Variants in SHISA6 observed in about 807,000 individuals in gnomAD.
The protein encoded by SHISA6 is shisa family member 6.
In SHISA6, 22 loss-of-function variants were observed where a neutral mutation model predicts 47.9. That is an observed-to-expected ratio of 0.46 (90% confidence interval 0.33 to 0.66). The LOEUF (loss-of-function observed/expected upper bound fraction) is 0.66. Among genes scored for constraint, SHISA6 ranks in the 30% least tolerant of loss-of-function variants. The pLI is 0.02. For missense variants in SHISA6, 680 were observed against 764.6 expected (o/e 0.89, Z 1.30); for synonymous variants, 388 against 337.8 (o/e 1.15, Z -1.63).
At chr17:11,362,220 G>C (rs1313374551) in intron 2 of SHISA6, among the ~76,000 whole-genome samples, 2 of 152,084 alleles carry the variant, frequency 1.3e-5, no homozygotes, top group African/African-American at 2.4e-5. Context: ...GCTTACTGCA[G>C]TCTCAAATTC....
chr17:11,558,518 G>C lies in SHISA6; in HGVS notation c.*214G>C. 1.7e-6 allele frequency: 1 copy of C among 597,726 alleles called. No individual in the cohort carries two copies. The highest frequency in any genetic ancestry group is 2.8e-5 in the East Asian group (1 of 35,742). 37.0% of individuals were successfully genotyped at this position (597,726 alleles called of 1,614,324 possible). A position where few individuals can be genotyped will look rare whatever the true frequency, so the allele number is the denominator to read the frequency against. On this transcript the variant is annotated 3_prime_UTR_variant, in exon 6 of 6. Coordinates refer to ENST00000441885, the MANE Select transcript of SHISA6 (RefSeq NM_207386.4). Reference sequence around the variant, plus strand: ...CTTAGACCCAGGACCAAGAGCAATCGCTCTTGCTCCTCCAGAAGAATCAGT... The same window carrying C: ...CTTAGACCCAGGACCAAGAGCAATCCCTCTTGCTCCTCCAGAAGAATCAGT...
At chr17:11,534,465 C>T (rs2071768155) in intron 3 of SHISA6, among the ~76,000 whole-genome samples, 1 of 152,074 alleles carries the variant, frequency 6.6e-6, no homozygotes, top group African/African-American at 2.4e-5. Flanking sequence ...CTATGTTAGA[C>T]TCCTTGGGAA....
intron 3 of SHISA6, among the ~76,000 whole-genome samples, chr17:11,413,701 A>C (rs1216258855): frequency 6.6e-6 from 1 of 152,130 alleles, no homozygotes; most frequent in African/African-American, 2.4e-5. Context: ...TGTTCTGGCC[A>C]AGCCCAAGTG....
chr17:11,416,188 A>G (rs1914274349), intron 3 of SHISA6, among the ~76,000 whole-genome samples: 1 of 152,144 alleles, frequency 6.6e-6, no homozygotes, highest in Non-Finnish European at 1.5e-5. Context: ...AGAGGTGGGG[A>G]CCCAGGCATT....
At chr17:11,533,259 G>A (rs1274724787) in intron 3 of SHISA6, among the ~76,000 whole-genome samples, 1 of 152,098 alleles carries the variant, frequency 6.6e-6, no homozygotes, top group African/African-American at 2.4e-5. Context: ...ATAGTAGCTT[G>A]TCAACGCATT....
At chr17:11,245,819 A>G (rs1907560348) in intron 1 of SHISA6, among the ~76,000 whole-genome samples, 2 of 151,982 alleles carry the variant, frequency 1.3e-5, no homozygotes, top group Non-Finnish European at 2.9e-5. Flanking sequence ...AAGTATTAGG[A>G]GGTGACCCCT....
At chr17:11,430,153 T>G (rs2142289026) in intron 3 of SHISA6, among the ~76,000 whole-genome samples, 1 of 152,270 alleles carries the variant, frequency 6.6e-6, no homozygotes, top group South Asian at 2.1e-4. Context: ...AAGCCAGAGT[T>G]TTTCTGACCC....
chr17:11,500,702 A>T (rs2071445285), intron 3 of SHISA6, among the ~76,000 whole-genome samples: 1 of 152,228 alleles, frequency 6.6e-6, no homozygotes, highest in African/African-American at 2.4e-5. Flanking sequence ...ATGAAATCCC[A>T]TTAAAAATTC....
intron 3 of SHISA6, among the ~76,000 whole-genome samples, chr17:11,505,148 G>A (rs935164984): frequency 1.3e-5 from 2 of 152,228 alleles, no homozygotes; most frequent in Admixed American, 1.3e-4. Flanking sequence ...AAAAGTTCCA[G>A]TACTTTTAGA....
intron 3 of SHISA6, among the ~76,000 whole-genome samples, chr17:11,427,929 T>C (rs987127496): frequency 6.6e-6 from 1 of 152,192 alleles, no homozygotes; most frequent in Non-Finnish European, 1.5e-5. Flanking sequence ...AGTCTACTAA[T>C]TTAGATGGAG....
chr17:11,357,187 C>CAAAAAAAAA (rs60564976), intron 2 of SHISA6, among the ~76,000 whole-genome samples: 1 of 90,124 alleles, frequency 1.1e-5, no homozygotes, highest in Admixed American at 1.5e-4. Flanking sequence ...GACTCCGTCT[C>CAAAAAAAAA]AAAAAAAAAA....
At chr17:11,533,969 C>CT (rs994416907) in intron 3 of SHISA6, among the ~76,000 whole-genome samples, 4 of 102,970 alleles carry the variant, frequency 3.9e-5, no homozygotes, top group South Asian at 3.0e-4. Flanking sequence ...TTTATTCTAA[C>CT]TTTTTTTTGT....
At chr17:11,428,254 A>G (rs772431809) in intron 3 of SHISA6, among the ~76,000 whole-genome samples, 2 of 152,228 alleles carry the variant, frequency 1.3e-5, no homozygotes, top group African/African-American at 2.4e-5. Context: ...GATTTTAAGC[A>G]CCACACCAAA....
At chr17:11,244,400 T>G (rs1242284918) in intron 1 of SHISA6, among the ~76,000 whole-genome samples, 1 of 152,088 alleles carries the variant, frequency 6.6e-6, no homozygotes, top group Non-Finnish European at 1.5e-5. Context: ...CTTGGGCAGG[T>G]CAGGGAAACT....
At chr17:11,461,351 C>CT (rs1791754630) in intron 3 of SHISA6, among the ~76,000 whole-genome samples, 1 of 141,180 alleles carries the variant, frequency 7.1e-6, no homozygotes, top group Non-Finnish European at 1.5e-5. Context: ...GAGCTGAGAT[C>CT]GTGCCACTGC....
chr17:11,414,958 C>T (rs770198868), intron 3 of SHISA6, among the ~76,000 whole-genome samples: 8 of 151,874 alleles, frequency 5.3e-5, no homozygotes, highest in African/African-American at 1.5e-4. Context: ...TGGTGGCACA[C>T]GCCTGTAGTC....
At chr17:11,355,720 G>C (rs12325711) in intron 2 of SHISA6, among the ~76,000 whole-genome samples, 79,118 of 152,098 alleles carry the variant, frequency 0.52, 20,993 homozygotes, top group African/African-American at 0.61. Flanking sequence ...GAAAGGGAAC[G>C]GATGAGCTTG....
intron 2 of SHISA6, among the ~76,000 whole-genome samples, chr17:11,344,302 T>C (rs1282095121): frequency 2.0e-5 from 3 of 152,196 alleles, no homozygotes; most frequent in Non-Finnish European, 4.4e-5. Flanking sequence ...TGGTGTCCTT[T>C]GAAACAAAAA....
At chr17:11,429,210 C>T (rs1914684716) in intron 3 of SHISA6, among the ~76,000 whole-genome samples, 1 of 152,110 alleles carries the variant, frequency 6.6e-6, no homozygotes, top group South Asian at 2.1e-4. Flanking sequence ...CAGTTCCTTG[C>T]CACATGGGCC....
Sources: gnomAD v4.1 joint callset for allele counts (sites outside exome capture counted in the v4.1 genomes callset) on GRCh38, gnomAD v4.1.1 for gene constraint, MANE v1.5 for transcripts, NCBI Gene and HGNC (gene_info 2026-07-23, HGNC 2026-07-21) for gene names.